MACF1: variants seen among roughly 807,000 people sequenced by gnomAD.
MACF1 encodes microtubule actin crosslinking factor 1, also known as microtubule-actin cross-linking factor 1.
MACF1 carries 193 observed loss-of-function variants against 854.8 expected under a neutral mutation model. The observed-to-expected ratio is 0.23, with a 90% confidence interval of 0.20 to 0.25. The LOEUF is 0.25. Among genes scored for constraint, MACF1 ranks in the 10% least tolerant of loss-of-function variants. The pLI, the probability that MACF1 is intolerant of heterozygous loss-of-function variation, is 1.00. For missense variants in MACF1, 7,722 were observed against 8,929.1 expected, an observed-to-expected ratio of 0.86 and a Z score of 5.45; for synonymous variants, 3,185 against 3,226.7, an observed-to-expected ratio of 0.99 and a Z score of 0.44.
intron 2 of MACF1, among the ~76,000 whole-genome samples, chr1:39,116,698 A>ATT (rs1419517722): frequency 6.6e-6 from 1 of 152,178 alleles, no homozygotes; most frequent in Non-Finnish European, 1.5e-5. Flanking sequence ...CCTGCCTGTC[A>ATT]TTTAGCTAAA....
chr1:39,190,979 T>A (rs778814589), intron 2 of MACF1, among the ~76,000 whole-genome samples: 21 of 151,940 alleles, frequency 1.4e-4, no homozygotes, highest in Non-Finnish European at 8.8e-5. Flanking sequence ...AGTGACAGAG[T>A]GAGACTGTGT....
At chr1:39,472,363 T>G (rs180763662) in intron 97 of MACF1, among the ~76,000 whole-genome samples, 5 of 152,364 alleles carry the variant, frequency 3.3e-5, no homozygotes, top group Non-Finnish European at 5.9e-5. Context: ...TACTTTTTAC[T>G]TGTGGGATTG....
intron 2 of MACF1, among the ~76,000 whole-genome samples, chr1:39,123,010 C>T (rs1291046404): frequency 1.3e-5 from 2 of 151,916 alleles, no homozygotes; most frequent in African/African-American, 4.8e-5. Context: ...AAACAAAGGA[C>T]TAATTAGGAG....
chr1:39,338,333 GA>G (rs762824211), intron 38 of MACF1, among the ~76,000 whole-genome samples: 2 of 151,768 alleles, frequency 1.3e-5, no homozygotes, highest in Non-Finnish European at 2.9e-5. Context: ...TTAGAAGTTA[GA>G]AAGCAGCTGG....
chr1:39,333,414 C>T lies in MACF1; in HGVS notation c.6826C>T (p.Pro2276Ser). The T allele has an allele frequency of 6.2e-7, 1 of 1,614,028 alleles. No homozygotes were observed. ...GGAAATTTTTCTGTCATGCAGTCAT[C>T]CATTAGAATTGCTTGAAGAAGCTAC... ...GREIFLSCSH[P>S]LELLEEATLN... The change falls in exon 37 of 101, where the codon CCA becomes TCA. Residue 2276 changes from proline to serine, a missense_variant. Coordinates refer to ENST00000564288, the MANE Select transcript of MACF1 (RefSeq NM_001394062.1).
Position 39,337,284 on chromosome 1 carries a change from T to G in MACF1, c.10168T>G (p.Leu3390Val). The part of the protein sequence containing the change: ...IEMRTKQIQP[L>V]ELNLAELQDL... ...AATGAGGACCAAACAGATTCAACCTTTGGAGCTAAACCTGGCAGAACTACA... is the reference window on the plus strand; with the variant it reads ...AATGAGGACCAAACAGATTCAACCTGTGGAGCTAAACCTGGCAGAACTACA... Residue 3390 changes from leucine to valine, a missense_variant, in exon 38 of 101, where the codon TTG (leucine) becomes GTG (valine). Around this residue, in one of 15 missense-constraint regions of MACF1, gnomAD observed 854 missense variants for 852.6 expected, o/e 1.00. Transcript: ENST00000564288. The G allele has an allele frequency of 6.2e-7, 1 of 1,614,108 alleles. No homozygotes were observed. The highest frequency in any genetic ancestry group is 1.1e-5 in the South Asian group (1 of 91,046).
At chr1:39,434,927 T>A (rs1643939524) in intron 69 of MACF1, among the ~76,000 whole-genome samples, 1 of 152,234 alleles carries the variant, frequency 6.6e-6, no homozygotes, top group African/African-American at 2.4e-5. Flanking sequence ...AGGGTGTTGT[T>A]ACACTCAAGG....
chr1:39,200,726 C>T (rs954718493), upstream of MACF1, among the ~76,000 whole-genome samples: 1 of 151,258 alleles, frequency 6.6e-6, no homozygotes, highest in Non-Finnish European at 1.5e-5. Flanking sequence ...GAAAAAAATT[C>T]CAGGCCAGGT....
At chr1:39,413,046 C>T (rs1338821467) in intron 58 of MACF1, 8 of 1,592,154 alleles carry the variant, frequency 5.0e-6, no homozygotes, top group Non-Finnish European at 6.8e-6. Flanking sequence ...CTGCAGTGTC[C>T]TCCCCAGAGG....
intron 95 of MACF1, 128 bp from the exon 96 acceptor site, chr1:39,468,487 T>C (rs916363571): frequency 2.8e-5 from 20 of 702,314 alleles, no homozygotes; most frequent in Admixed American, 5.9e-5. Flanking sequence ...AATGCAAAAT[T>C]GTGAGAGTTA....
chr1:39,086,213 G>A (rs891236628), intron 2 of MACF1, among the ~76,000 whole-genome samples: 4 of 152,206 alleles, frequency 2.6e-5, no homozygotes, highest in Non-Finnish European at 5.9e-5. Flanking sequence ...AGGATATTAT[G>A]TGATGTGACA....
rs138819868 is a variant in MACF1 at position 39,485,632 on chromosome 1, T to G, written c.22506T>G (p.Phe7502Leu). ...SSRRGSDASD[F>L]DLLETQSACS... Reference sequence around the variant, plus strand: ...GGCGAGGAAGTGACGCTTCTGACTTTGACCTCTTAGAGACGCAGTCTGCTT... The same window carrying G: ...GGCGAGGAAGTGACGCTTCTGACTTGGACCTCTTAGAGACGCAGTCTGCTT... Residue 7502 changes from phenylalanine (F) to leucine (L), a missense_variant, in exon 101 of 101, where the codon TTT becomes TTG. Physicochemically the swap from Phe to Leu is conservative, Grantham distance 22. Coordinates refer to ENST00000564288, the MANE Select transcript of MACF1 (RefSeq NM_001394062.1). 3.7e-3 allele frequency: 6,030 copies of G among 1,614,186 alleles called. 17 individuals are homozygous for G. The highest frequency in any genetic ancestry group is 4.6e-3 in the Non-Finnish European group (5,487 of 1,180,028).
At chr1:39,466,114 CA>C in intron 95 of MACF1, among the ~76,000 whole-genome samples, 1 of 152,182 alleles carries the variant, frequency 6.6e-6, no homozygotes, top group South Asian at 2.1e-4. Flanking sequence ...ACTGAGGCCT[CA>C]AAGATCACAT....
At chr1:39,400,772 T>C (rs1417345648) in intron 58 of MACF1, among the ~76,000 whole-genome samples, 1 of 152,168 alleles carries the variant, frequency 6.6e-6, no homozygotes, top group African/African-American at 2.4e-5. Context: ...CCTCCCAAAA[T>C]GCTGGGGTTA....
chr1:39,378,549 T>G (rs371863452), intron 53 of MACF1, 26 bp downstream of exon 53: 1 of 1,606,452 alleles, frequency 6.2e-7, no homozygotes, highest in Non-Finnish European at 8.5e-7. Flanking sequence ...CAACAGTGCT[T>G]CTTTGTTGGA....
At chr1:39,279,576 A>G (rs1645503973) in intron 6 of MACF1, among the ~76,000 whole-genome samples, 1 of 152,134 alleles carries the variant, frequency 6.6e-6, no homozygotes, top group Admixed American at 6.5e-5. Flanking sequence ...AGGATGTTCT[A>G]TTGACATGCC....
chr1:39,412,493 T>A, intron 58 of MACF1: 2 of 1,613,972 alleles, frequency 1.2e-6, no homozygotes, highest in Non-Finnish European at 1.7e-6. Context: ...CACAGAAACT[T>A]CCCAGAGCAG....
intron 2 of MACF1, among the ~76,000 whole-genome samples, chr1:39,140,374 A>C (rs959055668): frequency 6.6e-6 from 1 of 152,204 alleles, no homozygotes; most frequent in African/African-American, 2.4e-5. Flanking sequence ...CATCTGGCCT[A>C]CTACTTTGTA....
At chr1:39,139,202 T>G (rs1320176106) in intron 2 of MACF1, among the ~76,000 whole-genome samples, 1 of 152,224 alleles carries the variant, frequency 6.6e-6, no homozygotes, top group Non-Finnish European at 1.5e-5. Flanking sequence ...TATTCCTACT[T>G]GAATTACCAA....
Sources: gnomAD v4.1 joint callset for allele counts (sites outside exome capture counted in the v4.1 genomes callset) on GRCh38, gnomAD v4.1.1 for gene constraint, gnomAD v4.1.1 regional missense constraint, MANE v1.5 for transcripts, NCBI Gene and HGNC (gene_info 2026-07-23, HGNC 2026-07-21) for gene names.